PRIM2: variants seen among roughly 807,000 people sequenced by gnomAD.
The protein encoded by PRIM2 is DNA primase large subunit.
PRIM2 carries 39 observed loss-of-function variants against 67.3 expected under a neutral mutation model. The observed-to-expected ratio is 0.58, with a 90% confidence interval of 0.45 to 0.76. The LOEUF is 0.76. Among genes scored for constraint, PRIM2 ranks in the 30% least tolerant of loss-of-function variants. The probability of loss-of-function intolerance (pLI) is 0.00; values close to 1 mark genes in which losing one functional copy is unlikely to be tolerated. For synonymous variants in PRIM2, 143 were observed against 198.7 expected, an observed-to-expected ratio of 0.72 and a Z score of 2.36; for missense variants, 398 against 598.7, an observed-to-expected ratio of 0.66 and a Z score of 3.50.
chr6:57,511,552 TG>T (rs1203245895), intron 8 of PRIM2, among the ~76,000 whole-genome samples: 2 of 152,212 alleles, frequency 1.3e-5, no homozygotes, highest in African/African-American at 4.8e-5. Flanking sequence ...CTTAAGTAAT[TG>T]GGCCATAACT....
chr6:57,525,156 C>T lies in PRIM2; in HGVS notation c.762-7255C>T, dbSNP rs1554349245. On this transcript the variant is annotated intron_variant, in intron 8 of 13. Transcript: ENST00000615550. ...AGAAATTTTCTTGGCTTTGCTTCTC[C>T]TTTCTGCCCCTCCGTCTGTTATGTG... 1.3e-3 allele frequency among the ~76,000 whole-genome samples: 204 copies of T among 152,104 alleles called. 5 individuals carry two copies. In the East Asian group the frequency reaches 0.017, roughly 13 times the overall value.
the PRIM2 span, among the ~76,000 whole-genome samples, chr6:57,269,612 T>C: frequency 6.6e-6 from 1 of 152,128 alleles, no homozygotes; most frequent in Non-Finnish European, 1.5e-5. Flanking sequence ...TTTCTTTTGC[T>C]GTGCAGAAGC....
At chr6:57,619,099 CTG>C (rs1776806127) in intron 12 of PRIM2, among the ~76,000 whole-genome samples, 1 of 152,224 alleles carries the variant, frequency 6.6e-6, no homozygotes. Flanking sequence ...CATCACAGGA[CTG>C]TGCAGAAACC....
chr6:57,622,125 C>T (rs1258382436), intron 12 of PRIM2, among the ~76,000 whole-genome samples: 1 of 151,976 alleles, frequency 6.6e-6, no homozygotes, highest in Non-Finnish European at 1.5e-5. Context: ...ATACCACTGG[C>T]TGTAGTAAAA....
chr6:57,248,285 C>A, the PRIM2 span, among the ~76,000 whole-genome samples: 1 of 152,134 alleles, frequency 6.6e-6, no homozygotes, highest in Non-Finnish European at 1.5e-5. Flanking sequence ...ATTTTGCTAT[C>A]CATAGAAAGC....
chr6:57,519,522 C>G (rs1774566798), intron 8 of PRIM2, among the ~76,000 whole-genome samples: 1 of 152,228 alleles, frequency 6.6e-6, no homozygotes, highest in Non-Finnish European at 1.5e-5. Context: ...AGAAATATGG[C>G]TCTGTTCCGC....
In PRIM2 at chr6:57,416,191, C is replaced by T. The variant is rs1771254209; in HGVS notation, c.693+34023C>T. On this transcript the variant is annotated intron_variant, in intron 7 of 13. Coordinates refer to ENST00000615550, the MANE Select transcript of PRIM2 (RefSeq NM_000947.5). ...AGTTAAAATATTCCTGATCCATGGG[C>T]AGCAGAATGGATATTGTGTTAGCAG... Among the ~76,000 whole-genome samples, 6 of 152,258 alleles carry T rather than the reference C, an allele frequency of 3.9e-5. No homozygotes were observed. In the South Asian group the frequency reaches 1.0e-3, roughly 26 times the overall value.
chr6:57,296,772 T>G, the PRIM2 span, among the ~76,000 whole-genome samples: 1 of 152,108 alleles, frequency 6.6e-6, no homozygotes, highest in African/African-American at 2.4e-5. Context: ...TTTCTAAATA[T>G]CATTCTCTCA....
the PRIM2 span, among the ~76,000 whole-genome samples, chr6:57,298,696 T>G: frequency 6.6e-6 from 1 of 151,980 alleles, no homozygotes; most frequent in East Asian, 1.9e-4. Flanking sequence ...ATAAAAATTA[T>G]TATCTTACTA....
intron 5 of PRIM2, among the ~76,000 whole-genome samples, chr6:57,339,345 GA>G (rs926649190): frequency 1.3e-5 from 2 of 151,982 alleles, no homozygotes; most frequent in African/African-American, 4.8e-5. Context: ...CACAGAATTG[GA>G]AAAAACTACT....
At chr6:57,227,270 T>C in the PRIM2 span, among the ~76,000 whole-genome samples, 19 of 152,224 alleles carry the variant, frequency 1.2e-4, no homozygotes, top group Admixed American at 3.9e-4. Flanking sequence ...GGAACATTTG[T>C]TCACCTCGCT....
At chr6:57,456,639 G>T (rs1212474587) in intron 7 of PRIM2, among the ~76,000 whole-genome samples, 1 of 151,964 alleles carries the variant, frequency 6.6e-6, no homozygotes. Flanking sequence ...ACCTCCATTA[G>T]GTCCTTTAAG....
intron 7 of PRIM2, among the ~76,000 whole-genome samples, chr6:57,471,237 A>C (rs1773330323): frequency 6.6e-6 from 1 of 152,146 alleles, no homozygotes; most frequent in Admixed American, 6.5e-5. Context: ...ACAAGGCACT[A>C]AACAAATAGA....
chr6:57,479,645 C>T (rs1465083341), intron 7 of PRIM2, among the ~76,000 whole-genome samples: 5 of 152,290 alleles, frequency 3.3e-5, no homozygotes, highest in South Asian at 2.1e-4. Context: ...ATCCCATACA[C>T]GTGTGGCCTT....
At chr6:57,350,325 A>G (rs992884206) in intron 5 of PRIM2, among the ~76,000 whole-genome samples, 7 of 152,212 alleles carry the variant, frequency 4.6e-5, no homozygotes, top group Non-Finnish European at 1.0e-4. Flanking sequence ...TAAAATAGCC[A>G]GTCTTGAGGA....
At chr6:57,470,328 C>A (rs1429952774) in intron 7 of PRIM2, among the ~76,000 whole-genome samples, 3 of 149,404 alleles carry the variant, frequency 2.0e-5, no homozygotes, top group Non-Finnish European at 4.4e-5. Flanking sequence ...GCTGGCTCTT[C>A]ATTTAAATTC....
chr6:57,562,945 T>A (rs1775666513), intron 10 of PRIM2, among the ~76,000 whole-genome samples: 1 of 152,202 alleles, frequency 6.6e-6, no homozygotes, highest in Non-Finnish European at 1.5e-5. Flanking sequence ...TTCCAGCTTC[T>A]GTCTCAGAAG....
the PRIM2 span, among the ~76,000 whole-genome samples, chr6:57,252,929 A>G: frequency 6.6e-6 from 1 of 152,202 alleles, no homozygotes; most frequent in Non-Finnish European, 1.5e-5. Flanking sequence ...TTATGGAAGG[A>G]AAGAAAGGTA....
At chr6:57,269,756 G>A in the PRIM2 span, among the ~76,000 whole-genome samples, 360 of 152,140 alleles carry the variant, frequency 2.4e-3, 1 homozygote, top group Non-Finnish European at 2.7e-3. Context: ...GGGTTTTTAC[G>A]GTTTTAGGTC....
Sources: gnomAD v4.1 joint callset for allele counts (sites outside exome capture counted in the v4.1 genomes callset) on GRCh38, gnomAD v4.1.1 for gene constraint, MANE v1.5 for transcripts, NCBI Gene and HGNC (gene_info 2026-07-23, HGNC 2026-07-21) for gene names.